The following ARHGAP22 variants were observed in gnomAD, a reference collection of about 807,000 sequenced individuals.
ARHGAP22 encodes Rho GTPase activating protein 22.
ARHGAP22 carries 48 observed loss-of-function variants against 59.1 expected under a neutral mutation model. The ratio of observed to expected loss-of-function variants is 0.81; its 90% CI spans 0.64 to 1.03. The LOEUF is 1.03. Among genes scored for constraint, ARHGAP22 ranks in the 50% least tolerant of loss-of-function variants. The pLI is 0.00. For synonymous variants in ARHGAP22, 445 were observed against 416.4 expected (o/e 1.07, Z -0.84); for missense variants, 1,015 against 958.7 (o/e 1.06, Z -0.78).
At chr10:48,553,669 T>A (rs1010741295) in intron 3 of ARHGAP22, among the ~76,000 whole-genome samples, 5 of 152,168 alleles carry the variant, frequency 3.3e-5, no homozygotes, top group African/African-American at 1.2e-4. Flanking sequence ...CATCTTCTAA[T>A]TTCTGGAACC....
intron 3 of ARHGAP22, among the ~76,000 whole-genome samples, chr10:48,520,463 C>T (rs569075701): frequency 6.6e-6 from 1 of 152,248 alleles, no homozygotes; most frequent in Admixed American, 6.5e-5. Flanking sequence ...TGCAGATGAT[C>T]TCCTTCAAGG....
At chr10:48,500,791 T>C (rs190755838) in intron 3 of ARHGAP22, among the ~76,000 whole-genome samples, 306 of 151,028 alleles carry the variant, frequency 2.0e-3, no homozygotes, top group African/African-American at 7.2e-3. Context: ...CTCGGGAGGC[T>C]GAGGCAGGAG....
At chr10:48,608,450 A>G (rs1187839190), upstream of ARHGAP22, among the ~76,000 whole-genome samples, 2 of 152,198 alleles carry the variant, frequency 1.3e-5, no homozygotes, top group African/African-American at 4.8e-5. Context: ...AAGGCGACAT[A>G]TAGATAGCAA....
upstream of ARHGAP22, among the ~76,000 whole-genome samples, chr10:48,609,581 T>G (rs991418566): frequency 1.3e-5 from 2 of 152,174 alleles, no homozygotes; most frequent in East Asian, 1.9e-4. Flanking sequence ...AGTCATTTCA[T>G]AGTTGGTCCT....
At chr10:48,582,543 G>A (rs537015400) in intron 2 of ARHGAP22, among the ~76,000 whole-genome samples, 16 of 152,332 alleles carry the variant, frequency 1.1e-4, no homozygotes, top group African/African-American at 2.9e-4. Flanking sequence ...CAGGATGGGT[G>A]CAAGGGCTTC....
intron 3 of ARHGAP22, among the ~76,000 whole-genome samples, chr10:48,525,118 T>C (rs1209029514): frequency 6.6e-6 from 1 of 152,178 alleles, no homozygotes; most frequent in African/African-American, 2.4e-5. Context: ...GAAGCTGCTT[T>C]ATTAAAACTA....
intron 1 of ARHGAP22, among the ~76,000 whole-genome samples, chr10:48,643,764 A>AAATATATATATATATATATATATATATAT (rs887902062): frequency 6.9e-6 from 1 of 144,266 alleles, no homozygotes; most frequent in African/African-American, 2.6e-5. Flanking sequence ...AAAAAAAAAA[A>AAATATATATATATATATATATATATATAT]ATATATATAT....
chr10:48,600,944 C>A (rs1027113497), intron 1 of ARHGAP22, among the ~76,000 whole-genome samples: 1 of 152,216 alleles, frequency 6.6e-6, no homozygotes, highest in African/African-American at 2.4e-5. Context: ...TAAGCTCCAG[C>A]CCACAGCCTG....
intron 3 of ARHGAP22, among the ~76,000 whole-genome samples, chr10:48,527,485 A>ATGGT (rs897478193): frequency 1.4e-4 from 13 of 95,306 alleles, no homozygotes; most frequent in Admixed American, 1.3e-3. Flanking sequence ...GGGTGGATGG[A>ATGGT]TGGTTGGTTG....
chr10:48,488,200 G>A (rs538224555), intron 3 of ARHGAP22, among the ~76,000 whole-genome samples: 58 of 152,242 alleles, frequency 3.8e-4, no homozygotes, highest in African/African-American at 1.3e-3. Context: ...CATCTCATAC[G>A]TAATAGGTTT....
chr10:48,526,961 G>A (rs903194261), intron 3 of ARHGAP22, among the ~76,000 whole-genome samples: 1 of 152,146 alleles, frequency 6.6e-6, no homozygotes, highest in African/African-American at 2.4e-5. Flanking sequence ...TTTTAGTTGT[G>A]TGTCCTTCCT....
intron 3 of ARHGAP22, among the ~76,000 whole-genome samples, chr10:48,543,563 G>C (rs2056164126): frequency 6.6e-6 from 1 of 152,102 alleles, no homozygotes; most frequent in Non-Finnish European, 1.5e-5. Context: ...GCTGTCTCTT[G>C]ACCTGTCAGT....
chr10:48,554,259 A>G (rs376690587), intron 3 of ARHGAP22, among the ~76,000 whole-genome samples: 1 of 152,100 alleles, frequency 6.6e-6, no homozygotes, highest in East Asian at 1.9e-4. Context: ...ACATGCCCCT[A>G]TCCCAGGCAG....
rs78494025 is a variant in ARHGAP22, at chr10:48,564,744, C to G, written c.235-9194G>C. ...TTTTCAGGAAACAAAGAGTGATTTCCCTCTCTCTTCTGCAAGCATTTAGGG... is the reference window on the plus strand; with the variant it reads ...TTTTCAGGAAACAAAGAGTGATTTCGCTCTCTCTTCTGCAAGCATTTAGGG... On this transcript the variant is annotated intron_variant, in intron 2 of 9. Coordinates refer to ENST00000249601, the MANE Select transcript of ARHGAP22 (RefSeq NM_021226.4). Among the ~76,000 whole-genome samples, 560 of 152,326 alleles carry G rather than the reference C, an allele frequency of 3.7e-3. 3 individuals are homozygous for G. The highest frequency in any genetic ancestry group is 0.012 in the African/African-American group (494 of 41,574).
intron 3 of ARHGAP22, among the ~76,000 whole-genome samples, chr10:48,503,723 C>T (rs2051779461): frequency 6.6e-6 from 1 of 152,274 alleles, no homozygotes; most frequent in South Asian, 2.1e-4. Context: ...ATGTCCCCTC[C>T]TCAGCCCAAG....
chr10:48,556,232 T>G (rs566475381), intron 2 of ARHGAP22, among the ~76,000 whole-genome samples: 1 of 152,222 alleles, frequency 6.6e-6, no homozygotes, highest in African/African-American at 2.4e-5. Flanking sequence ...CTGTGTGACC[T>G]CAGGTAACCC....
intron 9 of ARHGAP22, among the ~76,000 whole-genome samples, chr10:48,448,451 A>G (rs987327130): frequency 1.3e-5 from 2 of 152,162 alleles, no homozygotes; most frequent in African/African-American, 4.8e-5. Context: ...TTTTCACCCC[A>G]ACTGTGGCCA....
intron 1 of ARHGAP22, among the ~76,000 whole-genome samples, chr10:48,645,278 T>C (rs1043110659): frequency 7.9e-5 from 12 of 152,298 alleles, no homozygotes; most frequent in African/African-American, 2.4e-4. Flanking sequence ...GAGGCCAGTA[T>C]TACCTTGATA....
chr10:48,485,123 G>A (rs189575763), intron 3 of ARHGAP22, among the ~76,000 whole-genome samples: 10 of 152,316 alleles, frequency 6.6e-5, no homozygotes, highest in Admixed American at 5.9e-4. Context: ...CAGCCAGCCT[G>A]CAGGTTGTAG....
Sources: allele counts gnomAD v4.1 joint callset (sites outside exome capture counted in the v4.1 genomes callset), GRCh38; gene constraint gnomAD v4.1.1; transcripts MANE v1.5; gene names NCBI Gene and HGNC (gene_info 2026-07-23, HGNC 2026-07-21).